Variants in FSHR observed in about 807,000 individuals in gnomAD.
FSHR encodes the protein follicle stimulating hormone receptor, also known as follicle-stimulating hormone receptor.
A neutral mutation model predicts 52.1 loss-of-function variants in FSHR; 46 were observed. The ratio of observed to expected loss-of-function variants is 0.88; its 90% CI spans 0.70 to 1.13. The LOEUF is 1.13. Ranked by LOEUF, FSHR falls within the 50% of genes most tolerant of loss-of-function variation. FSHR has a pLI of 0.00. For synonymous variants in FSHR, 399 were observed against 309.6 expected (o/e 1.29, Z -3.03); for missense variants, 964 against 834.6 (o/e 1.16, Z -1.91).
At chr2:49,037,420 G>A (rs1257085067) in intron 2 of FSHR, among the ~76,000 whole-genome samples, 2 of 152,098 alleles carry the variant, frequency 1.3e-5, no homozygotes, top group East Asian at 3.8e-4. Flanking sequence ...ATGGGATGAG[G>A]GTAAACATTA....
intron 1 of FSHR, among the ~76,000 whole-genome samples, chr2:49,148,724 C>G (rs1572812482): frequency 6.6e-6 from 1 of 152,064 alleles, no homozygotes; most frequent in African/African-American, 2.4e-5. Flanking sequence ...TATAATAAGG[C>G]TGAATTTCAA....
chr2:48,965,723 G>A (rs2103998864), intron 9 of FSHR, among the ~76,000 whole-genome samples: 1 of 152,244 alleles, frequency 6.6e-6, no homozygotes, highest in East Asian at 1.9e-4. Flanking sequence ...TCTTATTGTT[G>A]ATACTGCTGT....
chr2:49,137,862 A>G (rs1672541272), intron 1 of FSHR, among the ~76,000 whole-genome samples: 1 of 152,138 alleles, frequency 6.6e-6, no homozygotes, highest in African/African-American at 2.4e-5. Context: ...AGAATGCATA[A>G]AGATATAAAT....
chr2:49,084,707 C>G (rs71407549), intron 1 of FSHR, among the ~76,000 whole-genome samples: 37,053 of 151,956 alleles, frequency 0.24, 4,669 homozygotes, highest in African/African-American at 0.3. Flanking sequence ...TCAGAGAATA[C>G]TACAAACACC....
At chr2:49,147,593 T>C (rs1207903863) in intron 1 of FSHR, among the ~76,000 whole-genome samples, 1 of 152,080 alleles carries the variant, frequency 6.6e-6, no homozygotes, top group Non-Finnish European at 1.5e-5. Flanking sequence ...TTGCTAATAA[T>C]GACTCTGTAA....
chr2:48,973,291 C>A (rs548842170), intron 8 of FSHR, among the ~76,000 whole-genome samples: 49 of 151,120 alleles, frequency 3.2e-4, no homozygotes, highest in Non-Finnish European at 5.4e-4. Context: ...AATGCACATG[C>A]AAATGCACAC....
intron 2 of FSHR, among the ~76,000 whole-genome samples, chr2:49,030,046 C>G (rs1018910316): frequency 1.3e-5 from 2 of 152,144 alleles, no homozygotes. Flanking sequence ...TGCGGCAGAC[C>G]TATCAGGGAG....
At chr2:48,970,165 C>T (rs1674674358) in intron 8 of FSHR, among the ~76,000 whole-genome samples, 1 of 152,184 alleles carries the variant, frequency 6.6e-6, no homozygotes, top group South Asian at 2.1e-4. Context: ...TTTTCAAAGT[C>T]TTGCTTTCAT....
chr2:49,048,584 A>G (rs760241326), intron 2 of FSHR, among the ~76,000 whole-genome samples: 6 of 152,194 alleles, frequency 3.9e-5, no homozygotes, highest in Non-Finnish European at 5.9e-5. Flanking sequence ...GTCCAAGTGC[A>G]TATTACGTGT....
chr2:49,049,166 ACATTGAGTTAC>A (rs1369122347), intron 2 of FSHR, among the ~76,000 whole-genome samples: 1 of 150,278 alleles, frequency 6.7e-6, no homozygotes, highest in Non-Finnish European at 1.5e-5. Flanking sequence ...ATAGACAAAA[ACATTGAGTTAC>A]CAGCAAGGAG....
chr2:48,990,363 G>A (rs1338068168), intron 5 of FSHR, among the ~76,000 whole-genome samples: 1 of 152,042 alleles, frequency 6.6e-6, no homozygotes, highest in African/African-American at 2.4e-5. Context: ...CTTATTGAAG[G>A]GTCTTTCAGT....
chr2:49,137,947 T>G (rs929656271), intron 1 of FSHR, among the ~76,000 whole-genome samples: 2 of 152,128 alleles, frequency 1.3e-5, no homozygotes, highest in East Asian at 3.8e-4. Flanking sequence ...AAAAAATACT[T>G]TGAATGTTAT....
intron 9 of FSHR, 123 bp from the exon 10 acceptor site, chr2:48,964,089 A>G (rs569022876): frequency 7.0e-6 from 6 of 861,944 alleles, no homozygotes; most frequent in South Asian, 3.2e-5. Context: ...TTCTTCTCAC[A>G]TCATACCTGC....
chr2:49,117,679 A>G (rs772399711), intron 1 of FSHR, among the ~76,000 whole-genome samples: 23 of 152,214 alleles, frequency 1.5e-4, no homozygotes, highest in Non-Finnish European at 2.2e-4. Context: ...AGTTAGGTTA[A>G]GTATAGCAGG....
rs1558457135 is a variant in FSHR, at chr2:49,127,905, T to TTCTTCTTC, written c.152+26360_152+26361insGAAGAAGA. On this transcript the variant is annotated intron_variant, in intron 1 of 9. Coordinates refer to ENST00000406846, the MANE Select transcript of FSHR (RefSeq NM_000145.4). ...CTTCTTCTTCTTCTTCTTCTTTTTTTTTTTTGAGACGGAGTCTTACTCTGT... is the reference window on the plus strand; with the variant it reads ...CTTCTTCTTCTTCTTCTTCTTTTTTTTCTTCTTCTTTTTGAGACGGAGTCTTACTCTGT... Among the ~76,000 whole-genome samples, 201 of 135,158 alleles carry TTCTTCTTC rather than the reference T, an allele frequency of 1.5e-3. 4 individuals are homozygous for TTCTTCTTC. The highest frequency in any genetic ancestry group is 5.8e-3 in the African/African-American group (193 of 33,526). 88.7% of individuals were successfully genotyped at this position (135,158 alleles called of 152,430 possible).
intron 2 of FSHR, among the ~76,000 whole-genome samples, chr2:49,066,021 A>G (rs753063908): frequency 6.6e-5 from 10 of 152,120 alleles, no homozygotes; most frequent in Non-Finnish European, 4.4e-5. Flanking sequence ...GGTATTTTTG[A>G]GATCTTTGAT....
At chr2:49,108,200 G>C (rs970631970) in intron 1 of FSHR, among the ~76,000 whole-genome samples, 31 of 152,062 alleles carry the variant, frequency 2.0e-4, no homozygotes, top group African/African-American at 7.0e-4. Flanking sequence ...TTTTAACTGA[G>C]ATTTACACCA....
chr2:49,064,062 T>TTGTGTGTG (rs61681324), intron 2 of FSHR, among the ~76,000 whole-genome samples: 1,768 of 148,684 alleles, frequency 0.012, 31 homozygotes, highest in East Asian at 0.077. Context: ...CATGAAGAGT[T>TTGTGTGTG]TGTGTGTGTG....
chr2:49,127,835 CTT>C (rs1672095495), intron 1 of FSHR, among the ~76,000 whole-genome samples: 7 of 11,930 alleles, frequency 5.9e-4, no homozygotes, highest in East Asian at 3.8e-3. Context: ...TCTTCCTCTT[CTT>C]CTTCTTCTTC....
Sources: gnomAD v4.1 joint callset for allele counts (sites outside exome capture counted in the v4.1 genomes callset) on GRCh38, gnomAD v4.1.1 for gene constraint, MANE v1.5 for transcripts, NCBI Gene and HGNC (gene_info 2026-07-23, HGNC 2026-07-21) for gene names.